The following ADAM33 variants were observed in gnomAD, a reference collection of about 807,000 sequenced individuals.
The protein encoded by ADAM33 is disintegrin and metalloproteinase domain-containing protein 33.
A neutral mutation model predicts 106.2 loss-of-function variants in ADAM33; 103 were observed. The observed-to-expected ratio is 0.97, with a 90% CI of 0.83 to 1.14. The LOEUF (loss-of-function observed/expected upper bound fraction) is 1.14, where lower values mean the gene tolerates loss of function less well. Ranked by LOEUF, ADAM33 falls within the 50% of genes most tolerant of loss-of-function variation. The pLI is 0.00. For missense variants in ADAM33, 1,120 were observed against 1,096.6 expected (o/e 1.02, Z -0.30); for synonymous variants, 483 against 453.0 (o/e 1.07, Z -0.84).
At position 3,668,930 on chromosome 20, in the gene ADAM33, G is replaced by C. The variant is rs376742291; in HGVS notation, c.*33C>G. 1.9e-6 allele frequency: 3 copies of C among 1,612,666 alleles called. No homozygotes were observed. The African/African-American group carries it at 4.0e-5, about 22-fold the overall frequency. On this transcript the variant is annotated 3_prime_UTR_variant, in exon 22 of 22. Coordinates refer to ENST00000356518, the MANE Select transcript of ADAM33 (RefSeq NM_025220.5). ...CTGGAGTGGCTGTCAGTGGCCACCT[G>C]TCTTTAAATCTGTTCATTTTAGGAG...
chr20:3,670,876 A>T, intron 19 of ADAM33, 130 bp downstream of exon 19: 1 of 1,325,648 alleles, frequency 7.5e-7, no homozygotes, highest in South Asian at 1.6e-5. Context: ...ACTTCTTTCC[A>T]TGGCCTCTGG....
rs759033148 is a variant in ADAM33 at position 3,675,095 on chromosome 20, C to G, written c.265G>C (p.Ala89Pro). ...LELEKNHRLL[A>P]PGYIETHYGP... ...TAGTGGGTTTCTATGTATCCTGGGGCCAGCAGCCTGCTGAGAGGGGGTGTT... is the reference window on the plus strand; with the variant it reads ...TAGTGGGTTTCTATGTATCCTGGGGGCAGCAGCCTGCTGAGAGGGGGTGTT... The change falls in exon 4 of 22, where the codon GCC becomes CCC. Residue 89 changes from alanine to proline, a missense_variant. By Grantham distance (27) the Ala-to-Pro change is conservative (BLOSUM62 -1). Transcript: ENST00000356518. The surrounding 1 kb of genome is among the most constrained non-coding windows in gnomAD (Gnocchi z 4.1). 7 of 1,612,462 alleles carry G rather than the reference C, an allele frequency of 4.3e-6. No individual in the cohort carries two copies. In the Admixed American group the frequency reaches 1.2e-4, roughly 27 times the overall value.
chr20:3,676,255 GA>G (rs2087945252), intron 3 of ADAM33, among the ~76,000 whole-genome samples: 1 of 151,952 alleles, frequency 6.6e-6, no homozygotes, highest in South Asian at 2.1e-4. Context: ...GATGGTCCAG[GA>G]CACTGAGCAC....
At chr20:3,677,933 G>T (rs973271252) in intron 2 of ADAM33, among the ~76,000 whole-genome samples, 1 of 152,242 alleles carries the variant, frequency 6.6e-6, no homozygotes, top group Admixed American at 6.5e-5. Flanking sequence ...CTGGGAGGCT[G>T]CTGCGCCTTC....
rs1026796680 is a variant in ADAM33, at chr20:3,668,255, G to C, written c.*708C>G. 6.5e-6 allele frequency: 1 copy of C among 152,694 alleles called. No individual in the cohort carries two copies. Among genetic ancestry groups the C allele is most frequent in the African/African-American group, 2.4e-5 (1 of 41,452 alleles). The allele number at this position is 152,694 out of a possible 1,614,324, so 9.5% of individuals were successfully genotyped here. On this transcript the variant is annotated 3_prime_UTR_variant, in exon 22 of 22. Coordinates refer to ENST00000356518, the MANE Select transcript of ADAM33 (RefSeq NM_025220.5). Reference sequence around the variant, plus strand: ...GGCTTCCCAAAGTGCTGGGATTATAGGCATGAGCCACCACGCCTATAGCCA... The same window carrying C: ...GGCTTCCCAAAGTGCTGGGATTATACGCATGAGCCACCACGCCTATAGCCA...
At chr20:3,670,285 C>T (rs1005829575) in intron 19 of ADAM33, 1 of 167,716 alleles carries the variant, frequency 6.0e-6, no homozygotes, top group African/African-American at 2.4e-5. Flanking sequence ...CTGTTATGCC[C>T]TCTGCCCCCA....
rs777448494 is a variant in ADAM33 at position 3,675,633 on chromosome 20, G to A, written c.255-528C>T. Among the ~76,000 whole-genome samples the A allele has an allele frequency of 6.6e-6, 1 of 151,880 alleles. No homozygotes were observed. Among genetic ancestry groups the A allele is most frequent in the African/African-American group, 2.4e-5 (1 of 41,308 alleles). ...TCCCACCTGTCCTTCAGTGATTGAT[G>A]CTCACCCCCTGCCTCCAGAGAAAAC... On this transcript the variant is annotated intron_variant, in intron 3 of 21. Transcript: ENST00000356518. The surrounding 1 kb of genome is among the most constrained non-coding windows in gnomAD (Gnocchi z 4.1).
intron 9 of ADAM33, 40 bp downstream of exon 9, chr20:3,673,705 C>T (rs1172442102): frequency 1.5e-6 from 2 of 1,367,840 alleles, no homozygotes; most frequent in South Asian, 1.7e-5. Context: ...GAGGTGAGGC[C>T]GCCCCACCCG....
At position 3,673,782 on chromosome 20, in the gene ADAM33, A is replaced by G. The variant is rs903098295; in HGVS notation, c.868T>C (p.Trp290Arg). 1 of 1,532,736 alleles carries G rather than the reference A, an allele frequency of 6.5e-7. No individual in the cohort carries two copies. Among genetic ancestry groups the G allele is most frequent in the Non-Finnish European group, 8.7e-7 (1 of 1,145,112 alleles). 94.9% of individuals were successfully genotyped at this position (1,532,736 alleles called of 1,614,324 possible). Reference sequence around the variant, plus strand: ...GCGGAGTCGTGGGGCCGCTGCGCCCACAGCCCCCGGCGCCACTGCAGGAAG... The same window carrying G: ...GCGGAGTCGTGGGGCCGCTGCGCCCGCAGCCCCCGGCGCCACTGCAGGAAG... ...WAFLQWRRGL[W>R]AQRPHDSAQL... The change falls in exon 9 of 22, where the codon TGG (tryptophan) becomes CGG (arginine). Residue 290 changes from tryptophan (W) to arginine (R), a missense_variant. Transcript: ENST00000356518.
At chr20:3,676,571 T>C (rs976480077) in intron 3 of ADAM33, among the ~76,000 whole-genome samples, 1 of 152,032 alleles carries the variant, frequency 6.6e-6, no homozygotes, top group Non-Finnish European at 1.5e-5. Flanking sequence ...CCTAAGTAGC[T>C]GGGATTACAG....
Position 3,674,491 on chromosome 20 carries a change from C to A in ADAM33, c.600+13G>T. The A allele has an allele frequency of 6.2e-7, 1 of 1,611,508 alleles. No individual in the cohort carries two copies. The highest frequency in any genetic ancestry group is 2.2e-5 in the East Asian group (1 of 44,884). On this transcript the variant is annotated intron_variant, in intron 6 of 21. Transcript: ENST00000356518. ...TACAGCATTCCCACTCCCATCCGATCGATGCCCCTGACCCTGCTCTGGGGA... is the reference window on the plus strand; with the variant it reads ...TACAGCATTCCCACTCCCATCCGATAGATGCCCCTGACCCTGCTCTGGGGA...
chr20:3,677,020 C>T (rs1231225653), intron 3 of ADAM33, 47 bp downstream of exon 3: 2 of 1,597,686 alleles, frequency 1.3e-6, no homozygotes, highest in Admixed American at 1.7e-5. Flanking sequence ...TCCCTGCCCC[C>T]CAACACTGAT....
chr20:3,681,182 T>G (rs2088459872), intron 1 of ADAM33, among the ~76,000 whole-genome samples: 1 of 152,180 alleles, frequency 6.6e-6, no homozygotes, highest in African/African-American at 2.4e-5. Context: ...GCACTTGCTG[T>G]GCAGGACTGG....
chr20:3,668,496 GCAGAGGC>G lies in ADAM33; in HGVS notation c.*460_*466del. On this transcript the variant is annotated 3_prime_UTR_variant, in exon 22 of 22. Transcript: ENST00000356518. ...AAGGTCCCCAAAATTATGTTTGTTT[GCAGAGGC>G]CAGCCAGGCTCCAGGGGAGTGTGGA... is the stretch of plus-strand genomic sequence containing the variant. 1 of 180,380 alleles carries G rather than the reference GCAGAGGC, an allele frequency of 5.5e-6. No individual in the cohort carries two copies. Among genetic ancestry groups the G allele is most frequent in the South Asian group, 1.5e-4 (1 of 6,884 alleles). The allele number at this position is 180,380 out of a possible 1,614,324, so 11.2% of individuals were successfully genotyped here.
Position 3,669,605 on chromosome 20 carries a change from AG to A in ADAM33, c.2272del (p.Leu758TrpfsTer59), listed in dbSNP as rs1186508426. The A allele has an allele frequency of 1.2e-5, 19 of 1,603,562 alleles. No individual in the cohort carries two copies. Among genetic ancestry groups the A allele is most frequent in the Non-Finnish European group, 1.6e-5 (19 of 1,176,118 alleles). On this transcript the variant is annotated frameshift_variant, in exon 20 of 22. Coordinates refer to ENST00000356518, the MANE Select transcript of ADAM33 (RefSeq NM_025220.5). LOFTEE classifies it high-confidence loss of function. ...PKDGPHRDHP[L>X]GGVHPMELGP... Reference sequence around the variant, plus strand: ...CAACTCCATGGGGTGAACGCCGCCCAGGGGGTGGTCCCTGTGTGGGCCATCT... The same window carrying A: ...CAACTCCATGGGGTGAACGCCGCCCAGGGGTGGTCCCTGTGTGGGCCATCT...
chr20:3,669,161 A>G (rs1166283237), intron 21 of ADAM33, 138 bp downstream of exon 21: 1 of 1,196,464 alleles, frequency 8.4e-7, no homozygotes, highest in East Asian at 2.4e-5. Flanking sequence ...GGTCTGCATG[A>G]TAACCAAGAG....
Position 3,674,103 on chromosome 20 carries a change from G to A in ADAM33, c.699C>T (p.Thr233=), listed in dbSNP as rs2087770586. The A allele has an allele frequency of 6.2e-7, 1 of 1,614,082 alleles. No homozygotes were observed. The highest frequency in any genetic ancestry group is 1.3e-5 in the African/African-American group (1 of 74,928). The change falls in exon 8 of 22, where the codon ACC becomes ACT. Residue 233 remains threonine, a synonymous_variant. Transcript: ENST00000356518. The stretch of plus-strand genomic sequence containing the variant: ...TGGCGACTTCCAGGAGACGCTGTTT[G>A]GTGTGGTTCAAGTTTCGGTGCCGAG... ...FLTRHRNLNH[T]KQRLLEVANY... is the part of the protein sequence containing the mutation.
chr20:3,678,070 G>A (rs538115397), intron 2 of ADAM33, among the ~76,000 whole-genome samples: 22 of 152,320 alleles, frequency 1.4e-4, no homozygotes, highest in Non-Finnish European at 2.1e-4. Context: ...TTGCCTCCCT[G>A]GCCACAGGCC....
At chr20:3,669,785 C>G (rs1479759283) in intron 19 of ADAM33, 148 bp from the exon 20 acceptor site, 1 of 759,558 alleles carries the variant, frequency 1.3e-6, no homozygotes, top group Non-Finnish European at 2.3e-6. Context: ...CTCTCAGCTC[C>G]CTTCCTGCTC....
Sources: gnomAD v4.1 joint callset for allele counts (sites outside exome capture counted in the v4.1 genomes callset) on GRCh38, gnomAD v4.1.1 for gene constraint, Gnocchi (gnomAD v3.1) non-coding constraint, MANE v1.5 for transcripts, NCBI Gene and HGNC (gene_info 2026-07-23, HGNC 2026-07-21) for gene names.